THSD7A: variants seen among roughly 807,000 people sequenced by gnomAD.
The protein encoded by THSD7A is thrombospondin type 1 domain containing 7A, also known as thrombospondin type-1 domain-containing protein 7A.
Under a neutral mutation model 231.3 loss-of-function variants are expected in THSD7A, and 96 were observed. The observed-to-expected ratio is 0.41, with a 90% CI of 0.35 to 0.49. The LOEUF (loss-of-function observed/expected upper bound fraction) is 0.49, where lower values mean the gene tolerates loss of function less well. THSD7A is among the 20% of genes least tolerant of loss of function. The probability of loss-of-function intolerance (pLI) is 0.05; values close to 1 mark genes in which losing one functional copy is unlikely to be tolerated. For missense variants in THSD7A, 2,290 were observed against 2,070.2 expected (o/e 1.11, Z -2.06); for synonymous variants, 940 against 743.3 (o/e 1.26, Z -4.30).
rs149988417 is a variant in THSD7A, at chr7:11,670,088, C to G, written c.191-33127G>C. ...CATTTAACAGGCGTGCAAAAAAATT[C>G]AGAAGAAAGGACCCTAAACAAAGCA... On this transcript the variant is annotated intron_variant, in intron 1 of 27. Coordinates refer to ENST00000423059, the MANE Select transcript of THSD7A (RefSeq NM_015204.3). Among the ~76,000 whole-genome samples, 742 of 152,140 alleles carry G rather than the reference C, an allele frequency of 4.9e-3. 6 individuals carry two copies. The highest frequency in any genetic ancestry group is 0.017 in the African/African-American group (708 of 41,538).
chr7:11,737,702 T>C (rs1281943131), intron 1 of THSD7A, among the ~76,000 whole-genome samples: 1 of 152,040 alleles, frequency 6.6e-6, no homozygotes, highest in Non-Finnish European at 1.5e-5. Context: ...GGCTATATAT[T>C]ATAGTTTCAT....
At chr7:11,380,211 G>GT (rs1782457029) in intron 24 of THSD7A, among the ~76,000 whole-genome samples, 1 of 152,098 alleles carries the variant, frequency 6.6e-6, no homozygotes, top group Non-Finnish European at 1.5e-5. Flanking sequence ...AATTCATGGT[G>GT]TTTTTTGGAT....
rs537711919 is a variant in THSD7A at position 11,483,011 on chromosome 7, T to C, written c.1823-1029A>G. Reference sequence around the variant, plus strand: ...AAGGGAACAGAACAGAATGAAATCATACACAATCAAACAAAAATTAACCTG... The same window carrying C: ...AAGGGAACAGAACAGAATGAAATCACACACAATCAAACAAAAATTAACCTG... On this transcript the variant is annotated intron_variant, in intron 6 of 27. Coordinates refer to ENST00000423059, the MANE Select transcript of THSD7A (RefSeq NM_015204.3). 5.3e-5 allele frequency among the ~76,000 whole-genome samples: 8 copies of C among 152,276 alleles called. No individual in the cohort carries two copies. The South Asian group carries it at 1.7e-3, about 32-fold the overall frequency.
At chr7:11,447,810 G>A (rs1785021683) in intron 11 of THSD7A, among the ~76,000 whole-genome samples, 1 of 152,116 alleles carries the variant, frequency 6.6e-6, no homozygotes, top group Admixed American at 6.6e-5. Flanking sequence ...AGGGTGTTTG[G>A]AGAGGGACTG....
intron 9 of THSD7A, among the ~76,000 whole-genome samples, chr7:11,466,358 T>C (rs544164960): frequency 3.1e-4 from 47 of 152,278 alleles, no homozygotes; most frequent in Non-Finnish European, 5.4e-4. Context: ...TATGAAATAA[T>C]GAAAAAAACT....
At chr7:11,611,463 A>G (rs1780917900) in intron 2 of THSD7A, among the ~76,000 whole-genome samples, 1 of 151,910 alleles carries the variant, frequency 6.6e-6, no homozygotes, top group Non-Finnish European at 1.5e-5. Context: ...GAGATCTAGT[A>G]TATTACTTGT....
At chr7:11,640,419 T>C (rs1379167324) in intron 1 of THSD7A, among the ~76,000 whole-genome samples, 4 of 152,194 alleles carry the variant, frequency 2.6e-5, no homozygotes, top group African/African-American at 7.2e-5. Context: ...AGATTTTTGA[T>C]TTTTATCTAG....
intron 1 of THSD7A, among the ~76,000 whole-genome samples, chr7:11,784,699 C>T (rs1174112899): frequency 6.6e-6 from 1 of 152,034 alleles, no homozygotes; most frequent in South Asian, 2.1e-4. Flanking sequence ...TATTCTACAG[C>T]TTGGAGCCAA....
At chr7:11,733,802 G>A (rs1469303310) in intron 1 of THSD7A, among the ~76,000 whole-genome samples, 1 of 151,860 alleles carries the variant, frequency 6.6e-6, no homozygotes, top group Non-Finnish European at 1.5e-5. Context: ...TAGTAACACT[G>A]CTCATGATCT....
chr7:11,737,537 T>G (rs562244059), intron 1 of THSD7A, among the ~76,000 whole-genome samples: 1 of 152,150 alleles, frequency 6.6e-6, no homozygotes, highest in Non-Finnish European at 1.5e-5. Context: ...ACAGAAACTC[T>G]GTGCAAAGGT....
In THSD7A at chr7:11,446,242, A is replaced by T; in HGVS notation, c.2883T>A (p.Tyr961Ter). ...ACCAGTTCCCCACAGGTTGTGCATT[A>T]TATTTGTCACAAGGACAATACTGAG... ...IETQYCPCDK[Y>*]NAQPVGNWSD... Residue 961 changes from tyrosine (Y) to a stop codon, truncating the protein, a stop_gained, in exon 13 of 28, where the codon TAT becomes TAA. Transcript: ENST00000423059. LOFTEE classifies it high-confidence loss of function. This position sits in a 1 kb window ranked among gnomAD's most constrained non-coding sequence, Gnocchi z 4.0. 1 of 1,613,514 alleles carries T rather than the reference A, an allele frequency of 6.2e-7. No homozygotes were observed. The highest frequency in any genetic ancestry group is 8.5e-7 in the Non-Finnish European group (1 of 1,179,612).
At chr7:11,683,399 G>A (rs142070543) in intron 1 of THSD7A, among the ~76,000 whole-genome samples, 1 of 151,778 alleles carries the variant, frequency 6.6e-6, no homozygotes, top group Non-Finnish European at 1.5e-5. Context: ...AAATAACATT[G>A]AGACCAAAAA....
Position 11,822,159 on chromosome 7 carries a change from T to A in THSD7A, c.190+9598A>T, listed in dbSNP as rs554552261. Among the ~76,000 whole-genome samples the A allele has an allele frequency of 1.4e-3, 207 of 152,216 alleles. 1 individual carries two copies. Among genetic ancestry groups the A allele is most frequent in the African/African-American group, 4.9e-3 (204 of 41,540 alleles). On this transcript the variant is annotated intron_variant, in intron 1 of 27. Coordinates refer to ENST00000423059, the MANE Select transcript of THSD7A (RefSeq NM_015204.3). ...ATATCCAAAATCCAACTAACGCACA[T>A]TGCACCCATTAGGTAATTTCTCATC...
At chr7:11,537,626 TGTACAGCGCCATGCTTC>T (rs1788967761) in intron 6 of THSD7A, among the ~76,000 whole-genome samples, 1 of 129,682 alleles carries the variant, frequency 7.7e-6, no homozygotes, top group African/African-American at 3.3e-5. Context: ...CCATGCTTCC[TGTACAGCGCCATGCTTC>T]CTGTACAGCC....
At chr7:11,789,458 C>T (rs1341148544) in intron 1 of THSD7A, among the ~76,000 whole-genome samples, 1 of 151,998 alleles carries the variant, frequency 6.6e-6, no homozygotes, top group Admixed American at 6.6e-5. Context: ...GAGAAAATGA[C>T]ACTCGTCCTC....
At chr7:11,427,349 G>T (rs998938134) in intron 14 of THSD7A, among the ~76,000 whole-genome samples, 1 of 152,002 alleles carries the variant, frequency 6.6e-6, no homozygotes, top group Non-Finnish European at 1.5e-5. Flanking sequence ...TTTATTATTT[G>T]TTTTAGCTTT....
At chr7:11,820,544 T>C (rs534637831) in intron 1 of THSD7A, 3 of 717,942 alleles carry the variant, frequency 4.2e-6, no homozygotes, top group Non-Finnish European at 7.1e-6. Context: ...GGTTTCTTTT[T>C]TGAAAATCAT....
chr7:11,523,676 C>A (rs1788358876), intron 6 of THSD7A, among the ~76,000 whole-genome samples: 1 of 151,780 alleles, frequency 6.6e-6, no homozygotes, highest in Non-Finnish European at 1.5e-5. Context: ...TTGTCTGGAC[C>A]TGGTGAAAGA....
At chr7:11,667,678 T>A (rs1783197743) in intron 1 of THSD7A, among the ~76,000 whole-genome samples, 1 of 152,142 alleles carries the variant, frequency 6.6e-6, no homozygotes, top group South Asian at 2.1e-4. Context: ...TGCCGATACA[T>A]GTTAATGGCT....
Sources: gnomAD v4.1 joint callset for allele counts (sites outside exome capture counted in the v4.1 genomes callset) on GRCh38, gnomAD v4.1.1 for gene constraint, Gnocchi (gnomAD v3.1) non-coding constraint, MANE v1.5 for transcripts, NCBI Gene and HGNC (gene_info 2026-07-23, HGNC 2026-07-21) for gene names.